Variants in PWWP2B observed in about 807,000 individuals in gnomAD.
PWWP2B encodes the protein PWWP domain containing 2B.
In PWWP2B, 9 loss-of-function variants were observed where a neutral mutation model predicts 15.5. The ratio of observed to expected loss-of-function variants is 0.58; its 90% CI spans 0.35 to 1.02. The LOEUF is 1.02. PWWP2B is among the 50% of genes least tolerant of loss of function. PWWP2B has a pLI of 0.02. For synonymous variants in PWWP2B, 474 were observed against 403.6 expected (o/e 1.17, Z -2.09); for missense variants, 864 against 865.3 (o/e 1.00, Z 0.02).
chr10:132,415,318 ACACACACCCCCC>A (rs1293954856), intron 2 of PWWP2B, among the ~76,000 whole-genome samples: 2 of 145,756 alleles, frequency 1.4e-5, no homozygotes, highest in African/African-American at 2.5e-5. Flanking sequence ...ACACACATCC[ACACACACCCCCC>A]CACACACATA....
intron 2 of PWWP2B, among the ~76,000 whole-genome samples, chr10:132,414,274 C>T (rs753628318): frequency 3.3e-5 from 5 of 152,356 alleles, no homozygotes; most frequent in South Asian, 2.1e-4. Flanking sequence ...TGTTTACCGA[C>T]ATTTCCAAAG....
chr10:132,408,741 G>A (rs2069737095), intron 2 of PWWP2B, among the ~76,000 whole-genome samples: 1 of 152,238 alleles, frequency 6.6e-6, no homozygotes, highest in African/African-American at 2.4e-5. Context: ...CGGCTCCGTT[G>A]CAGGGACACT....
intron 2 of PWWP2B, 28 bp downstream of exon 2, chr10:132,406,317 C>T (rs1259752666): frequency 1.3e-6 from 2 of 1,541,788 alleles, no homozygotes; most frequent in African/African-American, 2.7e-5. Flanking sequence ...AGCCTCCTTC[C>T]CCCCAGCGGC....
In PWWP2B at chr10:132,411,721, G is replaced by A. The variant is rs558299227; in HGVS notation, c.*17-5340G>A. Among the ~76,000 whole-genome samples, 23 of 152,386 alleles carry A rather than the reference G, an allele frequency of 1.5e-4. No individual in the cohort carries two copies. In the South Asian group the frequency reaches 1.7e-3, roughly 11 times the overall value. On this transcript the variant is annotated intron_variant, in intron 2 of 2. Coordinates refer to ENST00000305233, the MANE Select transcript of PWWP2B (RefSeq NM_138499.4). ...TGCTGAGTCGGCAGGAGCCGCTGCC[G>A]GGACTTGGGAGAGTGTGGTGCTCAC...
chr10:132,405,323 G>A lies in PWWP2B; in HGVS notation c.823G>A (p.Gly275Ser). The change falls in exon 2 of 3, where the codon GGC (glycine) becomes AGC (serine). Residue 275 changes from glycine to serine, a missense_variant. By Grantham distance (56) the Gly-to-Ser change is moderately conservative (BLOSUM62 0). Transcript: ENST00000305233. ...GGTCAAGATCCCCTCCCGCGTGCACGGCTCTCTGGAGCCCTTCCGTCCCCA... is the reference window on the plus strand; with the variant it reads ...GGTCAAGATCCCCTCCCGCGTGCACAGCTCTCTGGAGCCCTTCCGTCCCCA... ...EVVKIPSRVHGSLEPFRPQQA... is the reference protein window; with the variant it reads ...EVVKIPSRVHSSLEPFRPQQA... 1 of 1,612,166 alleles carries A rather than the reference G, an allele frequency of 6.2e-7. No homozygotes were observed. Among genetic ancestry groups the A allele is most frequent in the Non-Finnish European group, 8.5e-7 (1 of 1,179,678 alleles).
At chr10:132,403,891 G>A (rs1055501531) in intron 1 of PWWP2B, among the ~76,000 whole-genome samples, 6 of 109,934 alleles carry the variant, frequency 5.5e-5, no homozygotes, top group Admixed American at 2.1e-4. Flanking sequence ...GGGCTCTCTC[G>A]GGGCCACTGA....
At chr10:132,399,919 C>T (rs946867277) in intron 1 of PWWP2B, among the ~76,000 whole-genome samples, 9 of 152,202 alleles carry the variant, frequency 5.9e-5, no homozygotes, top group Admixed American at 1.3e-4. Context: ...TATTTATCGG[C>T]CTCCCCCAGT....
At chr10:132,399,381 C>T (rs1265251878) in intron 1 of PWWP2B, among the ~76,000 whole-genome samples, 5 of 152,244 alleles carry the variant, frequency 3.3e-5, no homozygotes, top group Non-Finnish European at 2.9e-5. Context: ...CTGTTCAGAG[C>T]AATCCCACGG....
chr10:132,400,527 C>T (rs1012599156), intron 1 of PWWP2B, among the ~76,000 whole-genome samples: 5 of 152,120 alleles, frequency 3.3e-5, no homozygotes, highest in East Asian at 1.9e-4. Context: ...TTGGAGGAGG[C>T]GCTCCCCTGG....
At chr10:132,407,491 A>C (rs1037936662) in intron 2 of PWWP2B, among the ~76,000 whole-genome samples, 2 of 151,822 alleles carry the variant, frequency 1.3e-5, no homozygotes, top group Non-Finnish European at 2.9e-5. Flanking sequence ...GGGGGCGGGG[A>C]CTGGAGCGCC....
chr10:132,405,827 A>C lies in PWWP2B; in HGVS notation c.1327A>C (p.Thr443Pro). Reference protein sequence around the residue: ...SSGSEGTPADTGDLSPGHGAS... With the variant: ...SSGSEGTPADPGDLSPGHGAS... ...CGGCTCGGAAGGGACGCCGGCAGAC[A>C]CGGGTGACCTCTCGCCTGGCCACGG... Residue 443 changes from threonine to proline, a missense_variant, in exon 2 of 3, where the codon ACG becomes CCG. Coordinates refer to ENST00000305233, the MANE Select transcript of PWWP2B (RefSeq NM_138499.4). The C allele has an allele frequency of 6.2e-7, 1 of 1,609,754 alleles. No individual in the cohort carries two copies. Among genetic ancestry groups the C allele is most frequent in the Non-Finnish European group, 8.5e-7 (1 of 1,179,596 alleles).
At chr10:132,400,965 G>A (rs2069607419) in intron 1 of PWWP2B, among the ~76,000 whole-genome samples, 1 of 152,222 alleles carries the variant, frequency 6.6e-6, no homozygotes, top group Non-Finnish European at 1.5e-5. Context: ...GTGGGGAGGC[G>A]CTGCCAGCGA....
In PWWP2B at chr10:132,397,263, G is replaced by T; in HGVS notation, c.37G>T (p.Val13Leu). 7.3e-7 allele frequency: 1 copy of T among 1,367,574 alleles called. No individual in the cohort carries two copies. The allele number at this position is 1,367,574 out of a possible 1,614,324, so 84.7% of individuals were successfully genotyped here. A position where few individuals can be genotyped will look rare whatever the true frequency, so the allele number is the denominator to read the frequency against. ...CGCCGGCTGCCGGCTGCCGGTGCGG[G>T]TGGAGCAGGTCGTCAACGGCGCGCT... ...PRAGCRLPVRVEQVVNGALVV... is the reference protein window; with the variant it reads ...PRAGCRLPVRLEQVVNGALVV... Residue 13 changes from valine to leucine, a missense_variant, in exon 1 of 3, where the codon GTG becomes TTG. This residue lies in a region of PWWP2B where 736 missense variants were observed against 687.7 expected (regional missense o/e 1.07). Transcript: ENST00000305233.
At chr10:132,404,317 C>A (rs531189997) in intron 1 of PWWP2B, among the ~76,000 whole-genome samples, 44 of 152,186 alleles carry the variant, frequency 2.9e-4, no homozygotes, top group Non-Finnish European at 5.7e-4. Flanking sequence ...GTCCACATGT[C>A]CCCTGGGGCC....
chr10:132,408,351 C>T lies in PWWP2B; in HGVS notation c.*16+2062C>T, dbSNP rs1050983390. On this transcript the variant is annotated intron_variant, in intron 2 of 2. Transcript: ENST00000305233. ...CACGTTTGCTTTGAAGTGTCAGCAG[C>T]GCACCTCTGGTCTGCTCTTTGTAGG... Among the ~76,000 whole-genome samples, 10 of 152,314 alleles carry T rather than the reference C, an allele frequency of 6.6e-5. No homozygotes were observed. In the East Asian group the frequency reaches 9.6e-4, roughly 15 times the overall value.
At chr10:132,406,925 G>C (rs1388072050) in intron 2 of PWWP2B, among the ~76,000 whole-genome samples, 1 of 152,182 alleles carries the variant, frequency 6.6e-6, no homozygotes, top group Non-Finnish European at 1.5e-5. Context: ...CAGGCGCCCG[G>C]GACCTGGGAC....
intron 2 of PWWP2B, 45 bp downstream of exon 2, chr10:132,406,334 T>A: frequency 6.7e-7 from 1 of 1,491,550 alleles, no homozygotes; most frequent in Non-Finnish European, 9.1e-7. Context: ...CGGCCCAAGC[T>A]CACACCTGTG....
At chr10:132,401,834 G>A (rs143869735) in intron 1 of PWWP2B, among the ~76,000 whole-genome samples, 9 of 152,368 alleles carry the variant, frequency 5.9e-5, no homozygotes, top group African/African-American at 1.2e-4. Flanking sequence ...GGCAGGAGCC[G>A]AGGTCCCAGC....
Position 132,417,248 on chromosome 10 carries a change from G to A in PWWP2B, c.*204G>A. 1 of 709,446 alleles carries A rather than the reference G, an allele frequency of 1.4e-6. No individual in the cohort carries two copies. The highest frequency in any genetic ancestry group is 1.6e-5 in the South Asian group (1 of 60,968). 43.9% of individuals were successfully genotyped at this position (709,446 alleles called of 1,614,324 possible). A position where few individuals can be genotyped will look rare whatever the true frequency, so the allele number is the denominator to read the frequency against. On this transcript the variant is annotated 3_prime_UTR_variant, in exon 3 of 3. Transcript: ENST00000305233. ...CCTGAGCCCAGCGGCTCCTCCCGCT[G>A]AGTGTATTTCTTCCCACCACTCAGC...
Sources: gnomAD v4.1 joint callset for allele counts (sites outside exome capture counted in the v4.1 genomes callset) on GRCh38, gnomAD v4.1.1 for gene constraint, gnomAD v4.1.1 regional missense constraint, MANE v1.5 for transcripts, NCBI Gene and HGNC (gene_info 2026-07-23, HGNC 2026-07-21) for gene names.